SETD5: variants seen among roughly 807,000 people sequenced by gnomAD.
The protein encoded by SETD5 is SET domain containing 5, also known as histone-lysine N-methyltransferase SETD5.
In SETD5, 44 loss-of-function variants were observed where a neutral mutation model predicts 153.3. The ratio of observed to expected loss-of-function variants is 0.29; its 90% confidence interval spans 0.23 to 0.37. The LOEUF is 0.37. Ranked by LOEUF, SETD5 falls within the 10% of genes least tolerant of loss-of-function variation. The probability of loss-of-function intolerance (pLI) is 1.00; values close to 1 mark genes in which losing one functional copy is unlikely to be tolerated. For missense variants in SETD5, 1,544 were observed against 1,768.0 expected, an observed-to-expected ratio of 0.87 and a Z score of 2.27; for synonymous variants, 716 against 645.2, an observed-to-expected ratio of 1.11 and a Z score of -1.66.
chr3:9,417,746 A>G (rs2037721522), intron 1 of SETD5, among the ~76,000 whole-genome samples: 1 of 150,594 alleles, frequency 6.6e-6, no homozygotes, highest in Admixed American at 6.6e-5. Context: ...CGGCCTCCCA[A>G]AGTGCTGGGA....
intron 17 of SETD5, among the ~76,000 whole-genome samples, chr3:9,459,626 C>A (rs1454944279): frequency 1.3e-3 from 166 of 130,666 alleles, no homozygotes; most frequent in Non-Finnish European, 7.4e-4. Context: ...ACAACAACAA[C>A]AAAAAAAAAA....
At chr3:9,430,152 G>A (rs2039793111) in intron 3 of SETD5, 1 of 1,007,992 alleles carries the variant, frequency 9.9e-7, no homozygotes, top group African/African-American at 1.7e-5. Context: ...AGATTTCTGG[G>A]TTGAATGACA....
chr3:9,410,800 C>A (rs2036446436), intron 1 of SETD5, among the ~76,000 whole-genome samples: 1 of 150,892 alleles, frequency 6.6e-6, no homozygotes, highest in South Asian at 2.1e-4. Context: ...AATTTCTGTT[C>A]TTTCTTTTTT....
At chr3:9,438,557 T>A (rs1266248644) in intron 7 of SETD5, among the ~76,000 whole-genome samples, 1 of 152,220 alleles carries the variant, frequency 6.6e-6, no homozygotes, top group Non-Finnish European at 1.5e-5. Flanking sequence ...TTTGATTCTT[T>A]TAATTCTAAA....
chr3:9,445,715 A>G lies in SETD5; in HGVS notation c.1499A>G (p.Gln500Arg), dbSNP rs749448832. 1.2e-5 allele frequency: 20 copies of G among 1,613,384 alleles called. No homozygotes were observed. Among genetic ancestry groups the G allele is most frequent in the Admixed American group, 1.7e-5 (1 of 59,938 alleles). ...EEEKEEVIDDQENLAHSRRTR... is the reference protein window; with the variant it reads ...EEEKEEVIDDRENLAHSRRTR... ...GAGAAAGAAGAGGTTATAGATGACC[A>G]GGAGAACCTAGCTCATAGCAGGAGG... Residue 500 changes from glutamine to arginine, a missense_variant, in exon 13 of 23, where the codon CAG becomes CGG. Around this residue, in one of 9 missense-constraint regions of SETD5, gnomAD observed 782 missense variants for 787.2 expected, o/e 0.99. Transcript: ENST00000402198.
At chr3:9,410,028 A>C (rs781430109) in intron 1 of SETD5, among the ~76,000 whole-genome samples, 2 of 152,172 alleles carry the variant, frequency 1.3e-5, no homozygotes, top group Non-Finnish European at 2.9e-5. Flanking sequence ...AGAGATAGTC[A>C]TGCCTCACTT....
chr3:9,456,974 CAAAA>C (rs570100371), intron 17 of SETD5, among the ~76,000 whole-genome samples: 194 of 147,140 alleles, frequency 1.3e-3, no homozygotes, highest in African/African-American at 4.8e-3. Context: ...GACTCCGTCT[CAAAA>C]AGAAAGAAAG....
chr3:9,469,390 G>A (rs2045031196), intron 18 of SETD5, among the ~76,000 whole-genome samples: 1 of 152,184 alleles, frequency 6.6e-6, no homozygotes, highest in African/African-American at 2.4e-5. Context: ...TGAAGAGAAA[G>A]TTAGAGTCTC....
chr3:9,404,255 A>G (rs1469768759), intron 1 of SETD5, among the ~76,000 whole-genome samples: 1 of 152,214 alleles, frequency 6.6e-6, no homozygotes, highest in African/African-American at 2.4e-5. Flanking sequence ...TTAATAACCA[A>G]AAAACTGCCT....
In SETD5 at chr3:9,441,592, G is replaced by T; in HGVS notation, c.811-1G>T. On this transcript the variant is annotated splice_acceptor_variant, in intron 8 of 22. Coordinates refer to ENST00000402198, the MANE Select transcript of SETD5 (RefSeq NM_001080517.3). LOFTEE classifies it high-confidence loss of function. ...AATGTTATTGCTCTGGTTTTATTCA[G>T]TTACAGCTGGGAAGAGTCACTCGTG... is the stretch of plus-strand genomic sequence containing the variant. 6.2e-7 allele frequency: 1 copy of T among 1,613,768 alleles called. No individual in the cohort carries two copies. The highest frequency in any genetic ancestry group is 8.5e-7 in the Non-Finnish European group (1 of 1,179,742).
chr3:9,411,735 C>T (rs1198661294), intron 1 of SETD5, among the ~76,000 whole-genome samples: 2 of 152,156 alleles, frequency 1.3e-5, no homozygotes, highest in Non-Finnish European at 2.9e-5. Flanking sequence ...GTTATTGTTA[C>T]GAGTATTTGA....
At chr3:9,428,715 C>A in intron 2 of SETD5, 108 bp from the exon 3 acceptor site, 1 of 344,294 alleles carries the variant, frequency 2.9e-6, no homozygotes, top group Non-Finnish European at 5.3e-6. Context: ...CCCTTAAAAG[C>A]CTTATTCAAG....
In SETD5 at chr3:9,432,176, C is replaced by G. The variant is rs183464837; in HGVS notation, c.72-1669C>G. ...CTGCATTCTTGATGTACCCCTCCCCCGTTCCCATCTTGCAGACACTTTTAA... is the reference window on the plus strand; with the variant it reads ...CTGCATTCTTGATGTACCCCTCCCCGGTTCCCATCTTGCAGACACTTTTAA... On this transcript the variant is annotated intron_variant, in intron 3 of 22. Coordinates refer to ENST00000402198, the MANE Select transcript of SETD5 (RefSeq NM_001080517.3). 2.9e-4 allele frequency: 129 copies of G among 448,548 alleles called. 1 individual carries two copies. In the Admixed American group the frequency reaches 7.6e-3, roughly 26 times the overall value. 27.8% of individuals were successfully genotyped at this position (448,548 alleles called of 1,614,324 possible). A position where few individuals can be genotyped will look rare whatever the true frequency, so the allele number is the denominator to read the frequency against.
intron 1 of SETD5, among the ~76,000 whole-genome samples, chr3:9,409,150 T>C (rs1279254331): frequency 6.6e-6 from 1 of 152,158 alleles, no homozygotes; most frequent in African/African-American, 2.4e-5. Context: ...TCTAGAGGAC[T>C]TCAGGCATTC....
rs778991327 is a variant in SETD5, at chr3:9,474,426, C to T, written c.3498-23C>T. On this transcript the variant is annotated intron_variant, in intron 20 of 22. Coordinates refer to ENST00000402198, the MANE Select transcript of SETD5 (RefSeq NM_001080517.3). Reference sequence around the variant, plus strand: ...TTTTGGTTAAGTCCTGTGGCTTGAACTTGCACCCTGTTGCCTTTACAGGAT... The same window carrying T: ...TTTTGGTTAAGTCCTGTGGCTTGAATTTGCACCCTGTTGCCTTTACAGGAT... 1.4e-5 allele frequency: 23 copies of T among 1,611,482 alleles called. No individual in the cohort carries two copies. The Admixed American group carries it at 2.2e-4, about 15-fold the overall frequency.
chr3:9,474,934 C>T (rs2045702604), intron 21 of SETD5, 134 bp from the exon 22 acceptor site: 6 of 766,738 alleles, frequency 7.8e-6, no homozygotes, highest in Admixed American at 2.7e-5. Context: ...TTCTGGCATG[C>T]TGCACTCACC....
chr3:9,473,463 G>A lies in SETD5; in HGVS notation c.3423G>A (p.Glu1141=), dbSNP rs1488978603. The A allele has an allele frequency of 1.9e-6, 3 of 1,613,916 alleles. No individual in the cohort carries two copies. The Admixed American group carries it at 5.0e-5, about 27-fold the overall frequency. Reference sequence around the variant, plus strand: ...CTCATTCCTCTATGTCCCATTTGGAGGCGGTAAGCCCATCAGATTCCAGAG... The same window carrying A: ...CTCATTCCTCTATGTCCCATTTGGAAGCGGTAAGCCCATCAGATTCCAGAG... ...SPSHSSMSHL[E]AVSPSDSRGT... Residue 1141 remains glutamate (E), a synonymous_variant, in exon 20 of 23, where the codon GAG becomes GAA. Transcript: ENST00000402198.
chr3:9,475,457 A>G, intron 22 of SETD5, 26 bp from the exon 23 acceptor site: 2 of 1,591,642 alleles, frequency 1.3e-6, no homozygotes, highest in Non-Finnish European at 1.7e-6. Flanking sequence ...TCGCGTCCTT[A>G]TTCGTTTCCT....
chr3:9,408,954 A>C (rs1481114140), intron 1 of SETD5, among the ~76,000 whole-genome samples: 1 of 152,214 alleles, frequency 6.6e-6, no homozygotes, highest in Non-Finnish European at 1.5e-5. Flanking sequence ...TAATTTTATA[A>C]GTGTCGTTTG....
Sources: allele counts gnomAD v4.1 joint callset (sites outside exome capture counted in the v4.1 genomes callset), GRCh38; gene constraint gnomAD v4.1.1; regional missense constraint gnomAD v4.1.1; transcripts MANE v1.5; gene names NCBI Gene and HGNC (gene_info 2026-07-23, HGNC 2026-07-21).